The following UBE2R2 variants were observed in gnomAD, a reference collection of about 807,000 sequenced individuals.
UBE2R2 encodes the protein ubiquitin conjugating enzyme E2 R2.
In UBE2R2, 1 loss-of-function variant was observed where a neutral mutation model predicts 27.8. The observed-to-expected ratio is 0.04, with a 90% CI of 0.01 to 0.17. The LOEUF is 0.17. UBE2R2 is among the 10% of genes least tolerant of loss of function. UBE2R2 has a pLI of 1.00. For missense variants in UBE2R2, 100 were observed against 291.0 expected, an observed-to-expected ratio of 0.34 and a Z score of 4.78; for synonymous variants, 106 against 113.3, an observed-to-expected ratio of 0.94 and a Z score of 0.41.
At chr9:33,856,856 T>C (rs1821114285) in intron 1 of UBE2R2, among the ~76,000 whole-genome samples, 1 of 149,654 alleles carries the variant, frequency 6.7e-6, no homozygotes, top group Non-Finnish European at 1.5e-5. Flanking sequence ...CATCCATCCA[T>C]CCGTCTGTCC....
chr9:33,902,345 G>A (rs1046613819), intron 3 of UBE2R2, among the ~76,000 whole-genome samples: 3 of 152,026 alleles, frequency 2.0e-5, no homozygotes, highest in Non-Finnish European at 2.9e-5. Flanking sequence ...CACTACACCC[G>A]CCTTCTGAAT....
intron 1 of UBE2R2, among the ~76,000 whole-genome samples, chr9:33,880,533 A>G (rs548765842): frequency 3.7e-4 from 57 of 152,292 alleles, no homozygotes; most frequent in African/African-American, 1.3e-3. Flanking sequence ...TAGATGTTGT[A>G]CGTTCCAGAA....
intron 2 of UBE2R2, among the ~76,000 whole-genome samples, chr9:33,888,045 A>G (rs1287736824): frequency 6.6e-6 from 1 of 152,138 alleles, no homozygotes; most frequent in African/African-American, 2.4e-5. Context: ...TCTGTTAGGA[A>G]CTTCCAGTTA....
chr9:33,861,775 T>C (rs1821242205), intron 1 of UBE2R2, among the ~76,000 whole-genome samples: 1 of 152,084 alleles, frequency 6.6e-6, no homozygotes, highest in Non-Finnish European at 1.5e-5. Flanking sequence ...ATGAAAGTGT[T>C]TTAAATCTTT....
At chr9:33,828,530 A>C (rs886775067) in intron 1 of UBE2R2, among the ~76,000 whole-genome samples, 7 of 151,454 alleles carry the variant, frequency 4.6e-5, no homozygotes, top group Admixed American at 1.3e-4. Flanking sequence ...CTGGGACTAC[A>C]GGCATGTGCC....
At chr9:33,883,967 C>T (rs1399698513) in intron 1 of UBE2R2, among the ~76,000 whole-genome samples, 1 of 151,940 alleles carries the variant, frequency 6.6e-6, no homozygotes, top group Non-Finnish European at 1.5e-5. Context: ...GTTCGAGACC[C>T]AGCCTGGGCA....
At chr9:33,839,290 T>C (rs1820681123) in intron 1 of UBE2R2, among the ~76,000 whole-genome samples, 1 of 152,164 alleles carries the variant, frequency 6.6e-6, no homozygotes, top group African/African-American at 2.4e-5. Flanking sequence ...CAGACTGGAC[T>C]GCAATGGCAG....
intron 1 of UBE2R2, among the ~76,000 whole-genome samples, chr9:33,836,070 G>A (rs1318255089): frequency 4.6e-5 from 7 of 152,152 alleles, no homozygotes; most frequent in African/African-American, 7.2e-5. Flanking sequence ...TCGGGAGGGC[G>A]AGGCAGATGG....
rs541637655 is a variant in UBE2R2, at chr9:33,878,157, C to G, written c.178-8724C>G. ...CTCATACAAACGCATTAAATAAGTA[C>G]TATTATCCCCTTTTTACTGGTGAGG... On this transcript the variant is annotated intron_variant, in intron 1 of 4. Transcript: ENST00000263228. 2.7e-4 allele frequency among the ~76,000 whole-genome samples: 41 copies of G among 152,250 alleles called. 1 individual carries two copies. Among genetic ancestry groups the G allele is most frequent in the African/African-American group, 9.4e-4 (39 of 41,542 alleles).
chr9:33,890,338 A>G (rs1213420148), intron 2 of UBE2R2, among the ~76,000 whole-genome samples: 2 of 152,000 alleles, frequency 1.3e-5, no homozygotes, highest in African/African-American at 4.8e-5. Flanking sequence ...TAATCCCAGC[A>G]CTTTGGAAGG....
chr9:33,848,309 C>T (rs1319604791), intron 1 of UBE2R2, among the ~76,000 whole-genome samples: 1 of 152,118 alleles, frequency 6.6e-6, no homozygotes, highest in Non-Finnish European at 1.5e-5. Context: ...GGATTTGTTT[C>T]TGTACTTTTT....
intron 1 of UBE2R2, among the ~76,000 whole-genome samples, chr9:33,884,044 T>C (rs943195993): frequency 2.0e-5 from 3 of 151,736 alleles, no homozygotes; most frequent in Non-Finnish European, 4.4e-5. Flanking sequence ...TGTAGTCCCA[T>C]CTACTCAGGT....
At chr9:33,892,921 AG>A (rs1442571428) in intron 2 of UBE2R2, among the ~76,000 whole-genome samples, 1 of 152,034 alleles carries the variant, frequency 6.6e-6, no homozygotes, top group Non-Finnish European at 1.5e-5. Flanking sequence ...TAAAAAAAAA[AG>A]AATTTATTGA....
intron 1 of UBE2R2, among the ~76,000 whole-genome samples, chr9:33,850,681 G>T (rs1295408965): frequency 3.2e-5 from 4 of 124,868 alleles, no homozygotes; most frequent in Non-Finnish European, 6.9e-5. Context: ...AACTTGTTTT[G>T]TTCCTTTTTT....
At chr9:33,893,714 C>T (rs2130802879) in intron 2 of UBE2R2, among the ~76,000 whole-genome samples, 1 of 152,292 alleles carries the variant, frequency 6.6e-6, no homozygotes, top group South Asian at 2.1e-4. Context: ...TTCACTGCAA[C>T]CTCTGCTCCT....
intron 1 of UBE2R2, among the ~76,000 whole-genome samples, chr9:33,840,906 C>T (rs1175889097): frequency 6.6e-6 from 1 of 151,886 alleles, no homozygotes; most frequent in Non-Finnish European, 1.5e-5. Context: ...TCTAAGAGAA[C>T]CAGCTATTTA....
intron 1 of UBE2R2, chr9:33,818,741 G>A (rs936335251): frequency 1.3e-5 from 2 of 152,078 alleles, no homozygotes; most frequent in African/African-American, 4.8e-5. Flanking sequence ...CATGTAGGGA[G>A]ACTGATAGCT....
intron 1 of UBE2R2, among the ~76,000 whole-genome samples, chr9:33,850,461 T>C (rs1303668099): frequency 1.3e-5 from 2 of 152,050 alleles, no homozygotes; most frequent in African/African-American, 4.8e-5. Context: ...GATCTACTAT[T>C]CCCTGATAAA....
At chr9:33,901,912 C>G (rs981589673) in intron 3 of UBE2R2, among the ~76,000 whole-genome samples, 2 of 132,274 alleles carry the variant, frequency 1.5e-5, no homozygotes, top group Non-Finnish European at 3.3e-5. Flanking sequence ...TCTCATATTT[C>G]TTTTTTTTTT....
Sources: allele counts gnomAD v4.1 joint callset (sites outside exome capture counted in the v4.1 genomes callset), GRCh38; gene constraint gnomAD v4.1.1; transcripts MANE v1.5; gene names NCBI Gene and HGNC (gene_info 2026-07-23, HGNC 2026-07-21).